The following PLCL2 variants were observed in gnomAD, a reference collection of about 807,000 sequenced individuals.
PLCL2 encodes the protein phospholipase C like 2, also known as inactive phospholipase C-like protein 2.
PLCL2 carries 4 observed loss-of-function variants against 79.6 expected under a neutral mutation model. That is an observed-to-expected ratio of 0.05 (90% CI 0.02 to 0.11). The LOEUF is 0.11. Among genes scored for constraint, PLCL2 ranks in the 10% least tolerant of loss-of-function variants. The probability of loss-of-function intolerance (pLI) is 1.00; values close to 1 mark genes in which losing one functional copy is unlikely to be tolerated. For synonymous variants in PLCL2, 484 were observed against 457.7 expected, an observed-to-expected ratio of 1.06 and a Z score of -0.73; for missense variants, 895 against 1,291.0, an observed-to-expected ratio of 0.69 and a Z score of 4.70.
In PLCL2 at chr3:16,885,303, C is replaced by T. The variant is rs967832898; in HGVS notation, c.264C>T (p.Val88=). The change falls in exon 1 of 6, where the codon GTC becomes GTT. Residue 88 remains valine, a synonymous_variant. Coordinates refer to ENST00000615277, the MANE Select transcript of PLCL2 (RefSeq NM_001144382.2). ...GVALAPTPSA[V]VCTLPRESKP... ...CGCTCGCCCCGACCCCCAGCGCGGT[C>T]GTCTGTACCCTCCCCCGGGAGAGCA... 4.3e-5 allele frequency: 29 copies of T among 667,276 alleles called. No individual in the cohort carries two copies. The highest frequency in any genetic ancestry group is 6.6e-5 in the Admixed American group (3 of 45,198). 41.3% of individuals were successfully genotyped at this position (667,276 alleles called of 1,614,324 possible).
At chr3:16,957,562 G>T (rs977816719) in intron 1 of PLCL2, among the ~76,000 whole-genome samples, 17 of 152,308 alleles carry the variant, frequency 1.1e-4, no homozygotes, top group African/African-American at 4.1e-4. Flanking sequence ...GTGCAGAGCT[G>T]AGTTCAATTC....
chr3:17,076,433 A>G (rs547997654), intron 5 of PLCL2, among the ~76,000 whole-genome samples: 1 of 152,176 alleles, frequency 6.6e-6, no homozygotes, highest in South Asian at 2.1e-4. Flanking sequence ...AATTATATGT[A>G]TAAATATACT....
rs1255021774 is a variant in PLCL2, at chr3:16,931,153, A to ATT, written c.327+45789_327+45790dup. On this transcript the variant is annotated intron_variant, in intron 1 of 5. Transcript: ENST00000615277. ...CATTCACTTCTTCCTCTGGATTGCC[A>ATT]TTTATTTTTTTTTTTAACTCTAATG... Among the ~76,000 whole-genome samples the ATT allele has an allele frequency of 2.1e-5, 3 of 141,068 alleles. 1 individual carries two copies. In the South Asian group the frequency reaches 6.5e-4, roughly 31 times the overall value. 92.5% of individuals were successfully genotyped at this position (141,068 alleles called of 152,430 possible).
intron 1 of PLCL2, among the ~76,000 whole-genome samples, chr3:16,895,233 A>G (rs1696452023): frequency 6.6e-6 from 1 of 152,162 alleles, no homozygotes; most frequent in South Asian, 2.1e-4. Context: ...TTAATTTTAG[A>G]GAAGTTCAGT....
chr3:17,088,344 G>A (rs9841482), intron 5 of PLCL2, among the ~76,000 whole-genome samples: 24,957 of 152,034 alleles, frequency 0.16, 2,786 homozygotes, highest in African/African-American at 0.32. Context: ...AGGGAAAGGC[G>A]GAGGAGGTGT....
chr3:17,060,084 T>C (rs1490954037), intron 4 of PLCL2, among the ~76,000 whole-genome samples: 3 of 152,216 alleles, frequency 2.0e-5, no homozygotes, highest in Non-Finnish European at 4.4e-5. Flanking sequence ...AGGGTCTTGC[T>C]AAGCGCATTA....
chr3:17,006,982 G>T (rs2064267321), intron 1 of PLCL2, among the ~76,000 whole-genome samples: 1 of 152,170 alleles, frequency 6.6e-6, no homozygotes, highest in South Asian at 2.1e-4. Flanking sequence ...AAGAATAAAA[G>T]ATTACAATGT....
chr3:17,089,567 T>C (rs2124961710), intron 5 of PLCL2, among the ~76,000 whole-genome samples, 166 bp from the exon 6 acceptor site: 1 of 152,278 alleles, frequency 6.6e-6, no homozygotes, highest in Non-Finnish European at 1.5e-5. Context: ...GAAAACAAAC[T>C]CACTTTTTAT....
chr3:16,956,305 G>A, intron 1 of PLCL2, among the ~76,000 whole-genome samples: 1 of 152,162 alleles, frequency 6.6e-6, no homozygotes, highest in East Asian at 1.9e-4. Flanking sequence ...TTTTGTTTTT[G>A]GTTCTGTTTA....
intron 1 of PLCL2, among the ~76,000 whole-genome samples, chr3:16,893,683 G>T (rs1037405971): frequency 2.6e-5 from 4 of 152,132 alleles, no homozygotes; most frequent in African/African-American, 9.7e-5. Flanking sequence ...GGAAAAATTT[G>T]TTATGTAATA....
intron 3 of PLCL2, among the ~76,000 whole-genome samples, chr3:17,019,125 G>A (rs1314026939): frequency 6.6e-6 from 1 of 152,154 alleles, no homozygotes; most frequent in Non-Finnish European, 1.5e-5. Flanking sequence ...TGAAACATCG[G>A]CCTTGAACTA....
At chr3:16,962,387 T>G (rs1205050915) in intron 1 of PLCL2, among the ~76,000 whole-genome samples, 2 of 151,638 alleles carry the variant, frequency 1.3e-5, no homozygotes, top group African/African-American at 4.8e-5. Context: ...GTTCTCTGGA[T>G]TCTCACTGCA....
chr3:16,924,922 A>G (rs542423345), intron 1 of PLCL2, among the ~76,000 whole-genome samples: 1 of 152,060 alleles, frequency 6.6e-6, no homozygotes, highest in Non-Finnish European at 1.5e-5. Context: ...ACAGAATACA[A>G]GTTTGTTTGT....
chr3:16,901,534 T>A (rs747131322), intron 1 of PLCL2, among the ~76,000 whole-genome samples: 4 of 152,230 alleles, frequency 2.6e-5, no homozygotes. Flanking sequence ...GTCTTACCAC[T>A]TGTGTCTTAG....
chr3:16,934,783 T>G (rs994145616), intron 1 of PLCL2, among the ~76,000 whole-genome samples: 1 of 152,068 alleles, frequency 6.6e-6, no homozygotes, highest in Admixed American at 6.6e-5. Flanking sequence ...CTTCAGACAG[T>G]GGAATCAACA....
At chr3:17,018,819 A>C (rs1367832251) in intron 3 of PLCL2, among the ~76,000 whole-genome samples, 1 of 152,210 alleles carries the variant, frequency 6.6e-6, no homozygotes, top group Non-Finnish European at 1.5e-5. Flanking sequence ...ACACCCATTT[A>C]TAAGCTCTTA....
chr3:17,067,828 G>T, intron 4 of PLCL2, 128 bp from the exon 5 acceptor site: 2 of 554,408 alleles, frequency 3.6e-6, no homozygotes, highest in East Asian at 3.0e-5. Flanking sequence ...ATTCTTAAAT[G>T]GACACATTTA....
intron 1 of PLCL2, among the ~76,000 whole-genome samples, chr3:16,980,343 G>A (rs1343356419): frequency 4.0e-5 from 6 of 148,654 alleles, no homozygotes; most frequent in African/African-American, 9.9e-5. Flanking sequence ...CCCAGACGGG[G>A]TGGCTGCTGG....
chr3:17,036,778 A>C (rs542017586), intron 3 of PLCL2, among the ~76,000 whole-genome samples: 6 of 152,322 alleles, frequency 3.9e-5, no homozygotes, highest in African/African-American at 7.2e-5. Context: ...GCAATTTATA[A>C]AAACTGAAAT....
Sources: gnomAD v4.1 joint callset for allele counts (sites outside exome capture counted in the v4.1 genomes callset) on GRCh38, gnomAD v4.1.1 for gene constraint, MANE v1.5 for transcripts, NCBI Gene and HGNC (gene_info 2026-07-23, HGNC 2026-07-21) for gene names.